Variants in WDR48 observed in about 807,000 individuals in gnomAD.
WDR48 encodes the protein WD repeat-containing protein 48.
WDR48 carries 22 observed loss-of-function variants against 94.0 expected under a neutral mutation model. The observed-to-expected ratio is 0.23, with a 90% CI of 0.17 to 0.33. WDR48 has a LOEUF of 0.33. WDR48 is among the 10% of genes least tolerant of loss of function. The probability of loss-of-function intolerance (pLI) is 1.00; values close to 1 mark genes in which losing one functional copy is unlikely to be tolerated. For synonymous variants in WDR48, 278 were observed against 280.5 expected (o/e 0.99, Z 0.09); for missense variants, 541 against 813.8 (o/e 0.66, Z 4.08).
At chr3:39,087,166 A>C (rs1413321184) in intron 14 of WDR48, among the ~76,000 whole-genome samples, 1 of 152,208 alleles carries the variant, frequency 6.6e-6, no homozygotes, top group Admixed American at 6.5e-5. Context: ...AGATGCTTCC[A>C]GTTTGATGAG....
chr3:39,083,840 T>C (rs2034657656), intron 11 of WDR48, among the ~76,000 whole-genome samples: 1 of 152,008 alleles, frequency 6.6e-6, no homozygotes, highest in Non-Finnish European at 1.5e-5. Context: ...AAATAAGCAG[T>C]CCCCCTTTGA....
Position 39,095,019 on chromosome 3 carries a change from G to A in WDR48, c.*276G>A. On this transcript the variant is annotated 3_prime_UTR_variant, in exon 19 of 19. Coordinates refer to ENST00000302313, the MANE Select transcript of WDR48 (RefSeq NM_020839.4). ...AAGATGTACAGAAGACTGACAACAG[G>A]CCAGTGCAGACTTTGCTTCCTCCTT... The A allele has an allele frequency of 2.2e-6, 1 of 461,512 alleles. No individual in the cohort carries two copies. The highest frequency in any genetic ancestry group is 3.8e-6 in the Non-Finnish European group (1 of 260,246). The allele number at this position is 461,512 out of a possible 1,614,324, so 28.6% of individuals were successfully genotyped here.
rs79725354 is a variant in WDR48, at chr3:39,088,301, A to T, written c.1580+68A>T. 3.5e-3 allele frequency: 5,013 copies of T among 1,446,610 alleles called. 193 individuals carry two copies. In the Admixed American group the frequency reaches 0.076, roughly 22 times the overall value. The allele number at this position is 1,446,610 out of a possible 1,614,324, so 89.6% of individuals were successfully genotyped here. A position where few individuals can be genotyped will look rare whatever the true frequency, so the allele number is the denominator to read the frequency against. On this transcript the variant is annotated intron_variant, in intron 15 of 18. Transcript: ENST00000302313. ...CCATTTGCTAAGAAGTGTCGACTCA[A>T]ACTCAGTATTTCGATATTAGAAATA...
chr3:39,094,383 T>C, intron 18 of WDR48: 4 of 1,471,412 alleles, frequency 2.7e-6, no homozygotes, highest in Non-Finnish European at 2.7e-6. Flanking sequence ...CAGAACTGTT[T>C]TTTAAATCAA....
Position 39,091,624 on chromosome 3 carries a change from GA to G in WDR48, c.1673del (p.Asn558IlefsTer23). 6.2e-7 allele frequency: 1 copy of G among 1,602,786 alleles called. No individual in the cohort carries two copies. Among genetic ancestry groups the G allele is most frequent in the Admixed American group, 1.7e-5 (1 of 57,304 alleles). Reference sequence around the variant, plus strand: ...TACCTTTTTAACTTTTACTGTTTCAGAAAAATATGCCCAAATTCAACAAAAT... The same window carrying G: ...TACCTTTTTAACTTTTACTGTTTCAGAAAATATGCCCAAATTCAACAAAAT... ...PQWVIDITVD[K>X]NMPKFNKIPF... On this transcript the variant is annotated frameshift_variant and splice_region_variant, in exon 17 of 19. Coordinates refer to ENST00000302313, the MANE Select transcript of WDR48 (RefSeq NM_020839.4). LOFTEE classifies it high-confidence loss of function.
chr3:39,063,721 T>C (rs921662160), intron 2 of WDR48, among the ~76,000 whole-genome samples: 5 of 152,100 alleles, frequency 3.3e-5, no homozygotes, highest in African/African-American at 1.2e-4. Flanking sequence ...AGTGAAAGGA[T>C]TCCTTGAGTC....
Position 39,094,632 on chromosome 3 carries a change from A to G in WDR48, c.1939-16A>G. Reference sequence around the variant, plus strand: ...TAGAGACTTTGAAATTTTTAAATTTAATTTTGGCTATTCAGGTTTTGGATC... The same window carrying G: ...TAGAGACTTTGAAATTTTTAAATTTGATTTTGGCTATTCAGGTTTTGGATC... On this transcript the variant is annotated splice_polypyrimidine_tract_variant and intron_variant, in intron 18 of 18. Transcript: ENST00000302313. 1.2e-6 allele frequency: 2 copies of G among 1,613,954 alleles called. No individual in the cohort carries two copies. Among genetic ancestry groups the G allele is most frequent in the Non-Finnish European group, 8.5e-7 (1 of 1,180,006 alleles).
intron 9 of WDR48, among the ~76,000 whole-genome samples, chr3:39,077,696 C>T (rs573528739): frequency 8.7e-4 from 132 of 152,272 alleles, no homozygotes; most frequent in Middle Eastern, 3.4e-3. Context: ...CAAAGTGCAC[C>T]GTTAATTCTT....
At chr3:39,079,579 A>C in intron 10 of WDR48, 132 bp from the exon 11 acceptor site, 1 of 547,402 alleles carries the variant, frequency 1.8e-6, no homozygotes, top group Non-Finnish European at 3.1e-6. Context: ...TATAGTCTTT[A>C]GGTTTGCCTT....
rs1040193436 is a variant in WDR48, at chr3:39,068,176, G to C, written c.482-595G>C. Among the ~76,000 whole-genome samples, 3 of 152,128 alleles carry C rather than the reference G, an allele frequency of 2.0e-5. No individual in the cohort carries two copies. In the East Asian group the frequency reaches 5.8e-4, roughly 29 times the overall value. Reference sequence around the variant, plus strand: ...CTACAAGTAGACATTTTTCTAAACAGTACATGTAGTAACTCATTTACTCAA... The same window carrying C: ...CTACAAGTAGACATTTTTCTAAACACTACATGTAGTAACTCATTTACTCAA... On this transcript the variant is annotated intron_variant, in intron 5 of 18. Transcript: ENST00000302313.
intron 11 of WDR48, among the ~76,000 whole-genome samples, chr3:39,083,942 G>A (rs2034667403): frequency 1.3e-5 from 2 of 152,134 alleles, no homozygotes; most frequent in Admixed American, 1.3e-4. Context: ...ATTAAATACA[G>A]TTTCTTCCCA....
chr3:39,081,712 A>G (rs2034544447), intron 11 of WDR48, among the ~76,000 whole-genome samples: 1 of 152,190 alleles, frequency 6.6e-6, no homozygotes, highest in Non-Finnish European at 1.5e-5. Context: ...ACCCAAGAGA[A>G]TCTGATCAGG....
intron 5 of WDR48, 77 bp downstream of exon 5, chr3:39,066,952 G>A: frequency 6.5e-7 from 1 of 1,527,198 alleles, no homozygotes; most frequent in East Asian, 2.3e-5. Context: ...AAACATTTTT[G>A]ATAGGTTTGC....
At chr3:39,059,488 C>G (rs903629771) in intron 1 of WDR48, among the ~76,000 whole-genome samples, 3 of 152,198 alleles carry the variant, frequency 2.0e-5, no homozygotes, top group African/African-American at 7.2e-5. Flanking sequence ...TGGAAAGTTT[C>G]AGCAGAGAAG....
In WDR48 at chr3:39,078,796, C is replaced by T. The variant is rs539206631; in HGVS notation, c.1075+557C>T. Among the ~76,000 whole-genome samples, 651 of 147,138 alleles carry T rather than the reference C, an allele frequency of 4.4e-3. 1 individual carries two copies. Among genetic ancestry groups the T allele is most frequent in the Non-Finnish European group, 7.6e-3 (499 of 66,088 alleles). On this transcript the variant is annotated intron_variant, in intron 10 of 18. Transcript: ENST00000302313. ...CTGTAATCCCAGCACTTTGGGAGGC[C>T]AAGGCGGGCGGATCACGAGGTCAGG...
intron 5 of WDR48, among the ~76,000 whole-genome samples, 175 bp from the exon 6 acceptor site, chr3:39,068,596 T>C (rs1452614080): frequency 1.3e-5 from 2 of 152,220 alleles, no homozygotes; most frequent in Non-Finnish European, 2.9e-5. Context: ...CCAGAAAATA[T>C]GTAAATTTTG....
intron 10 of WDR48, among the ~76,000 whole-genome samples, chr3:39,078,961 C>T (rs2034382019): frequency 1.4e-5 from 2 of 147,364 alleles, no homozygotes; most frequent in African/African-American, 2.5e-5. Context: ...ACCCGGGAGG[C>T]GGAGCTTGCA....
intron 18 of WDR48, 109 bp from the exon 19 acceptor site, chr3:39,094,539 T>C: frequency 1.9e-6 from 3 of 1,549,544 alleles, no homozygotes; most frequent in Non-Finnish European, 2.6e-6. Flanking sequence ...ATACCAGGCA[T>C]AGGGGAGGAG....
chr3:39,073,025 G>A (rs1389445513), intron 7 of WDR48, among the ~76,000 whole-genome samples: 1 of 152,104 alleles, frequency 6.6e-6, no homozygotes, highest in Non-Finnish European at 1.5e-5. Flanking sequence ...GTTACAAGTT[G>A]CCCCAGGCCA....
Sources: gnomAD v4.1 joint callset for allele counts (sites outside exome capture counted in the v4.1 genomes callset) on GRCh38, gnomAD v4.1.1 for gene constraint, MANE v1.5 for transcripts, NCBI Gene and HGNC (gene_info 2026-07-23, HGNC 2026-07-21) for gene names.